GSDMC: variants seen among roughly 807,000 people sequenced by gnomAD.
The protein encoded by GSDMC is gasdermin C, also known as gasdermin-C.
In GSDMC, 59 loss-of-function variants were observed where a neutral mutation model predicts 58.0. The ratio of observed to expected loss-of-function variants is 1.02; its 90% CI spans 0.82 to 1.26. GSDMC has a LOEUF of 1.26. GSDMC is among the 50% of genes most tolerant of loss of function. The probability of loss-of-function intolerance (pLI) is 0.00; values close to 1 mark genes in which losing one functional copy is unlikely to be tolerated. For missense variants in GSDMC, 659 were observed against 598.5 expected (o/e 1.10, Z -1.06); for synonymous variants, 241 against 220.2 (o/e 1.09, Z -0.83).
chr8:129,771,993 A>G (rs1006475015), intron 3 of GSDMC, among the ~76,000 whole-genome samples: 3 of 152,164 alleles, frequency 2.0e-5, no homozygotes, highest in African/African-American at 4.8e-5. Flanking sequence ...GGCCAGGCGC[A>G]GTGGCTCACA....
At chr8:129,749,942 G>A (rs759004509) in intron 12 of GSDMC, 48 bp downstream of exon 12, 3 of 1,513,260 alleles carry the variant, frequency 2.0e-6, no homozygotes, top group Non-Finnish European at 2.7e-6. Context: ...TGCGGGTCCT[G>A]GGGACCAATC....
the GSDMC span, among the ~76,000 whole-genome samples, chr8:129,741,915 A>AATAT: frequency 0.053 from 6,639 of 126,150 alleles, 310 homozygotes; most frequent in East Asian, 0.08. Context: ...AAGAAAATGT[A>AATAT]ATATATATAT....
rs763465773 is a variant in GSDMC, at chr8:129,786,017, A to G, written c.-11T>C. On this transcript the variant is annotated 5_prime_UTR_variant, in exon 1 of 14. Coordinates refer to ENST00000276708, the MANE Select transcript of GSDMC (RefSeq NM_031415.3). ...TGATCCCATTAGGACTTACCAGATT[A>G]TATATCCCTTTGTCCTGTAGAGAAA... The G allele has an allele frequency of 2.0e-5, 3 of 152,154 alleles. No homozygotes were observed. Among genetic ancestry groups the G allele is most frequent in the Non-Finnish European group, 4.4e-5 (3 of 68,040 alleles). The allele number at this position is 152,154 out of a possible 1,614,324, so 9.4% of individuals were successfully genotyped here. A position where few individuals can be genotyped will look rare whatever the true frequency, so the allele number is the denominator to read the frequency against.
downstream of GSDMC, among the ~76,000 whole-genome samples, chr8:129,748,029 C>A (rs1279163345): frequency 6.6e-6 from 1 of 151,922 alleles, no homozygotes; most frequent in Non-Finnish European, 1.5e-5. Context: ...AAAAAAAAAT[C>A]TCTTCTATAT....
At chr8:129,781,612 G>A (rs956476685) in intron 1 of GSDMC, among the ~76,000 whole-genome samples, 2 of 152,122 alleles carry the variant, frequency 1.3e-5, no homozygotes, top group African/African-American at 2.4e-5. Context: ...AGGCGTGGTG[G>A]TGGGCACCTG....
chr8:129,756,701 G>A (rs142830609), intron 6 of GSDMC, among the ~76,000 whole-genome samples: 2 of 151,936 alleles, frequency 1.3e-5, no homozygotes, highest in Non-Finnish European at 2.9e-5. Flanking sequence ...AATAATATCA[G>A]CCATCTTCTC....
rs563423847 is a variant in GSDMC at position 129,760,347 on chromosome 8, T to A, written c.721+198A>T. ...CAAAATAATTTAATTGTACATTTTT[T>A]AAAAACTAAAAGAGTATAACTGGAT... On this transcript the variant is annotated intron_variant, in intron 6 of 13. Coordinates refer to ENST00000276708, the MANE Select transcript of GSDMC (RefSeq NM_031415.3). Among the ~76,000 whole-genome samples, 255 of 152,242 alleles carry A rather than the reference T, an allele frequency of 1.7e-3. 1 individual carries two copies. Among genetic ancestry groups the A allele is most frequent in the African/African-American group, 5.1e-3 (211 of 41,558 alleles).
intron 1 of GSDMC, among the ~76,000 whole-genome samples, chr8:129,779,004 G>A (rs1477574499): frequency 1.3e-5 from 2 of 152,210 alleles, no homozygotes; most frequent in African/African-American, 2.4e-5. Flanking sequence ...CTTATACACT[G>A]TTGATGGGAA....
At chr8:129,779,440 G>A (rs1442662127) in intron 1 of GSDMC, among the ~76,000 whole-genome samples, 1 of 152,096 alleles carries the variant, frequency 6.6e-6, no homozygotes, top group Non-Finnish European at 1.5e-5. Context: ...AACACACACT[G>A]GGGCCTACTG....
chr8:129,706,348 A>T, the GSDMC span, among the ~76,000 whole-genome samples: 17 of 152,252 alleles, frequency 1.1e-4, no homozygotes, highest in Non-Finnish European at 2.4e-4. Context: ...AGCACATTTT[A>T]ACAGAAGGGA....
chr8:129,714,297 G>A, the GSDMC span, among the ~76,000 whole-genome samples: 1 of 152,230 alleles, frequency 6.6e-6, no homozygotes, highest in Non-Finnish European at 1.5e-5. Context: ...TCCAGAGATA[G>A]TTCAGTGCCC....
At chr8:129,770,332 T>TA (rs111630377) in intron 3 of GSDMC, among the ~76,000 whole-genome samples, 21,803 of 152,070 alleles carry the variant, frequency 0.14, 1,903 homozygotes, top group Non-Finnish European at 0.19. Context: ...CTGTCTCTAC[T>TA]AAAAATACAA....
At chr8:129,724,378 T>C in the GSDMC span, among the ~76,000 whole-genome samples, 3 of 152,180 alleles carry the variant, frequency 2.0e-5, no homozygotes, top group Non-Finnish European at 4.4e-5. Context: ...GGTGATTTGT[T>C]ATGCAATAGA....
At chr8:129,717,450 T>C in the GSDMC span, among the ~76,000 whole-genome samples, 8 of 151,952 alleles carry the variant, frequency 5.3e-5, no homozygotes, top group African/African-American at 1.4e-4. Flanking sequence ...TCAGTGGTAA[T>C]ACCAGCTTAC....
At chr8:129,745,017 A>G (rs951987633), downstream of GSDMC, among the ~76,000 whole-genome samples, 1 of 152,184 alleles carries the variant, frequency 6.6e-6, no homozygotes, top group Admixed American at 6.5e-5. Context: ...CCTATAAGGG[A>G]TAATGGGTTG....
downstream of GSDMC, among the ~76,000 whole-genome samples, chr8:129,743,423 C>A (rs1305806126): frequency 6.6e-6 from 1 of 152,062 alleles, no homozygotes; most frequent in East Asian, 1.9e-4. Flanking sequence ...CATTCCATTT[C>A]GTTATTTTCA....
Position 129,776,273 on chromosome 8 carries a change from G to C in GSDMC, c.233C>G (p.Thr78Arg), listed in dbSNP as rs2034224919. 12 of 1,602,820 alleles carry C rather than the reference G, an allele frequency of 7.5e-6. No homozygotes were observed. The highest frequency in any genetic ancestry group is 1.0e-5 in the Non-Finnish European group (12 of 1,176,174). Reference protein sequence around the residue: ...PSSSVLETVVTGPFHFSDIMI... With the variant: ...PSSSVLETVVRGPFHFSDIMI... ...AATGTCACTGAAGTGGAACGGTCCT[G>C]TCACAACAGTTTCTGGGGAAAGAAA... Residue 78 changes from threonine to arginine, a missense_variant, in exon 3 of 14, where the codon ACA becomes AGA. Coordinates refer to ENST00000276708, the MANE Select transcript of GSDMC (RefSeq NM_031415.3).
At chr8:129,774,787 C>T (rs946115640) in intron 3 of GSDMC, among the ~76,000 whole-genome samples, 16 of 151,850 alleles carry the variant, frequency 1.1e-4, no homozygotes, top group Admixed American at 4.6e-4. Context: ...ATATTTTCTC[C>T]AAAAAAAGAC....
intron 6 of GSDMC, among the ~76,000 whole-genome samples, chr8:129,755,761 A>C (rs892654045): frequency 6.6e-6 from 1 of 152,054 alleles, no homozygotes. Context: ...TTTGCCTATT[A>C]GTTCATTTGT....
Sources: allele counts gnomAD v4.1 joint callset (sites outside exome capture counted in the v4.1 genomes callset), GRCh38; gene constraint gnomAD v4.1.1; transcripts MANE v1.5; gene names NCBI Gene and HGNC (gene_info 2026-07-23, HGNC 2026-07-21).